Variants in VOPP1 observed in about 807,000 individuals in gnomAD.
VOPP1 encodes VOPP1 WW domain binding protein.
Under a neutral mutation model 23.5 loss-of-function variants are expected in VOPP1, and 8 were observed. The ratio of observed to expected loss-of-function variants is 0.34; its 90% CI spans 0.20 to 0.61. The LOEUF (loss-of-function observed/expected upper bound fraction) is 0.61, where lower values mean the gene tolerates loss of function less well. VOPP1 is among the 20% of genes least tolerant of loss of function. VOPP1 has a pLI of 0.78. For synonymous variants in VOPP1, 83 were observed against 97.3 expected (o/e 0.85, Z 0.86); for missense variants, 174 against 238.1 (o/e 0.73, Z 1.77).
At chr7:55,435,067 G>A (rs576590869), downstream of VOPP1, among the ~76,000 whole-genome samples, 9 of 152,258 alleles carry the variant, frequency 5.9e-5, no homozygotes, top group East Asian at 3.9e-4. Context: ...CTCCACTCCC[G>A]CCCAGGCTCT....
chr7:55,538,751 C>T (rs944690797), intron 1 of VOPP1: 11 of 1,190,596 alleles, frequency 9.2e-6, no homozygotes, highest in South Asian at 1.4e-5. Flanking sequence ...TAAAGGAACG[C>T]TTTCTAAGGG....
intron 4 of VOPP1, among the ~76,000 whole-genome samples, chr7:55,479,579 C>G (rs1792549170): frequency 1.3e-5 from 2 of 152,102 alleles, no homozygotes; most frequent in Admixed American, 1.3e-4. Flanking sequence ...TTTTGTTTCT[C>G]CTTCCTGATG....
chr7:55,547,774 G>A (rs1797430498), intron 1 of VOPP1, among the ~76,000 whole-genome samples: 1 of 152,164 alleles, frequency 6.6e-6, no homozygotes, highest in African/African-American at 2.4e-5. Flanking sequence ...AGTGGTGCCT[G>A]GTTCCCTCTT....
At chr7:55,530,714 T>C (rs1796450717) in intron 1 of VOPP1, 1 of 152,164 alleles carries the variant, frequency 6.6e-6, no homozygotes, top group Non-Finnish European at 1.5e-5. Context: ...TAGGCATTAT[T>C]TTGCTGTATA....
intron 1 of VOPP1, among the ~76,000 whole-genome samples, chr7:55,544,400 G>T (rs751162390): frequency 6.6e-6 from 1 of 152,220 alleles, no homozygotes; most frequent in African/African-American, 2.4e-5. Flanking sequence ...GAAGGAGATG[G>T]CCCCACACTT....
intron 1 of VOPP1, among the ~76,000 whole-genome samples, chr7:55,534,892 T>C (rs1350200742): frequency 6.6e-6 from 1 of 152,236 alleles, no homozygotes; most frequent in Admixed American, 6.5e-5. Flanking sequence ...TCCATCCACG[T>C]GGTCAAGCCT....
chr7:55,514,065 C>A (rs1327035335), intron 2 of VOPP1, among the ~76,000 whole-genome samples: 2 of 152,188 alleles, frequency 1.3e-5, no homozygotes, highest in Non-Finnish European at 2.9e-5. Flanking sequence ...CAGCGTCTGA[C>A]TGGGAGCGGC....
At chr7:55,552,914 G>T in intron 1 of VOPP1, 1 of 1,046,958 alleles carries the variant, frequency 9.6e-7, no homozygotes, top group Non-Finnish European at 1.3e-6. Context: ...AATTATACGT[G>T]CTGCTAGCTG....
At chr7:55,448,423 T>C (rs1008024036) in intron 4 of VOPP1, among the ~76,000 whole-genome samples, 3 of 152,202 alleles carry the variant, frequency 2.0e-5, no homozygotes, top group Admixed American at 6.5e-5. Context: ...CATTTCTATT[T>C]CTGAAGTGGG....
At chr7:55,510,363 G>A (rs1165534973) in intron 2 of VOPP1, among the ~76,000 whole-genome samples, 2 of 152,148 alleles carry the variant, frequency 1.3e-5, no homozygotes, top group African/African-American at 4.8e-5. Flanking sequence ...AATCACAAGA[G>A]GTTTGGGGAG....
intron 4 of VOPP1, among the ~76,000 whole-genome samples, chr7:55,446,435 C>T (rs572803996): frequency 8.0e-5 from 12 of 150,814 alleles, no homozygotes; most frequent in African/African-American, 2.9e-4. Context: ...AGATACCACA[C>T]CCTTCCCTGC....
chr7:55,554,222 G>A (rs1341547396), intron 1 of VOPP1, among the ~76,000 whole-genome samples: 1 of 152,218 alleles, frequency 6.6e-6, no homozygotes, highest in Admixed American at 6.5e-5. Context: ...GATGCCTGCT[G>A]CCTCCTTATC....
intron 1 of VOPP1, among the ~76,000 whole-genome samples, chr7:55,567,558 C>T (rs987735093): frequency 2.0e-5 from 3 of 152,122 alleles, no homozygotes; most frequent in African/African-American, 7.2e-5. Flanking sequence ...AGTCATTTAC[C>T]CTCCGTTAGC....
intron 2 of VOPP1, among the ~76,000 whole-genome samples, chr7:55,516,920 ATATATATATATATTTTTTTTTTTTT>A (rs1562947280): frequency 1.2e-4 from 4 of 34,336 alleles, no homozygotes; most frequent in African/African-American, 5.9e-4. Context: ...ATATATATAT[ATATATATATATATTTTTTTTTTTTT>A]TTTTTTTTTT....
chr7:55,500,816 C>T (rs1382868615), intron 2 of VOPP1, among the ~76,000 whole-genome samples: 2 of 152,220 alleles, frequency 1.3e-5, no homozygotes, highest in Non-Finnish European at 2.9e-5. Flanking sequence ...ACCTCCAGCC[C>T]AGGTCACTGT....
At chr7:55,556,347 C>T (rs1421301182) in intron 1 of VOPP1, among the ~76,000 whole-genome samples, 1 of 152,200 alleles carries the variant, frequency 6.6e-6, no homozygotes, top group Non-Finnish European at 1.5e-5. Flanking sequence ...TCCTCCAGTT[C>T]GCAAACCTGT....
chr7:55,568,081 C>CTTTTTTCCTT lies in VOPP1; in HGVS notation c.54+4189_54+4190insAAGGAAAAAA, dbSNP rs1173286349. 8.0e-3 allele frequency among the ~76,000 whole-genome samples: 991 copies of CTTTTTTCCTT among 124,008 alleles called. 17 individuals are homozygous for CTTTTTTCCTT. Among genetic ancestry groups the CTTTTTTCCTT allele is most frequent in the African/African-American group, 0.029 (955 of 32,710 alleles). 81.4% of individuals were successfully genotyped at this position (124,008 alleles called of 152,430 possible). A position where few individuals can be genotyped will look rare whatever the true frequency, so the allele number is the denominator to read the frequency against. On this transcript the variant is annotated intron_variant, in intron 1 of 4. Transcript: ENST00000285279. ...AACCCTCTCTAAGAGACAACTATTC[C>CTTTTTTCCTT]TTTTTTTTTTTTTTTTTTGAGACAG...
chr7:55,548,981 ATC>A (rs1039537163), intron 1 of VOPP1, among the ~76,000 whole-genome samples: 6 of 152,276 alleles, frequency 3.9e-5, no homozygotes, highest in African/African-American at 9.6e-5. Context: ...GAGACTGGCC[ATC>A]TGGAGGCACG....
chr7:55,515,875 A>G (rs1026230176), intron 2 of VOPP1: 12 of 725,750 alleles, frequency 1.7e-5, no homozygotes, highest in Non-Finnish European at 2.0e-5. Flanking sequence ...CTGGACTGAC[A>G]GGGAAGTGTG....
Sources: gnomAD v4.1 joint callset for allele counts (sites outside exome capture counted in the v4.1 genomes callset) on GRCh38, gnomAD v4.1.1 for gene constraint, MANE v1.5 for transcripts, NCBI Gene and HGNC (gene_info 2026-07-23, HGNC 2026-07-21) for gene names.